Variants in PCDH7 observed in about 807,000 individuals in gnomAD.
PCDH7 encodes the protein protocadherin-7.
A neutral mutation model predicts 58.9 loss-of-function variants in PCDH7; 17 were observed. That is an observed-to-expected ratio of 0.29 (90% CI 0.20 to 0.43). The LOEUF (loss-of-function observed/expected upper bound fraction) is 0.43, where lower values mean the gene tolerates loss of function less well. Ranked by LOEUF, PCDH7 falls within the 20% of genes least tolerant of loss-of-function variation. The pLI, the probability that PCDH7 is intolerant of heterozygous loss-of-function variation, is 1.00. For missense variants in PCDH7, 1,274 were observed against 1,441.0 expected (o/e 0.88, Z 1.88); for synonymous variants, 664 against 616.4 (o/e 1.08, Z -1.14).
chr4:30,800,594 G>A (rs1014711100), intron 1 of PCDH7, among the ~76,000 whole-genome samples: 5 of 152,134 alleles, frequency 3.3e-5, no homozygotes, highest in African/African-American at 1.2e-4. Flanking sequence ...AGATAGACAG[G>A]AAAAGTGAGG....
chr4:31,107,294 T>A (rs1367236006), intron 3 of PCDH7, among the ~76,000 whole-genome samples: 6 of 152,194 alleles, frequency 3.9e-5, no homozygotes, highest in Non-Finnish European at 8.8e-5. Flanking sequence ...TGCATTTCGA[T>A]TCTTTTTTCT....
chr4:30,921,406 A>G (rs1743176677), intron 2 of PCDH7, among the ~76,000 whole-genome samples: 1 of 152,136 alleles, frequency 6.6e-6, no homozygotes, highest in Non-Finnish European at 1.5e-5. Context: ...TATATATGCA[A>G]GTAGAGCATA....
At chr4:30,875,986 G>A (rs1282763418) in intron 1 of PCDH7, among the ~76,000 whole-genome samples, 1 of 152,052 alleles carries the variant, frequency 6.6e-6, no homozygotes, top group Non-Finnish European at 1.5e-5. Context: ...AGTTTCTGAG[G>A]TCATGTTGGT....
At chr4:30,823,412 C>A (rs1218261271) in intron 1 of PCDH7, among the ~76,000 whole-genome samples, 1 of 152,094 alleles carries the variant, frequency 6.6e-6, no homozygotes, top group African/African-American at 2.4e-5. Flanking sequence ...CTTATTAGTA[C>A]GTGCCCTTTA....
At chr4:30,831,862 GTT>G (rs35056533) in intron 1 of PCDH7, among the ~76,000 whole-genome samples, 1 of 151,872 alleles carries the variant, frequency 6.6e-6, no homozygotes, top group Admixed American at 6.6e-5. Context: ...TGCTAGTCAA[GTT>G]TTTTTTCCTA....
exon 1 of PCDH7, chr4:30,724,212 A>ATCTAAAAAG: frequency 6.2e-7 from 1 of 1,613,978 alleles, no homozygotes; most frequent in Non-Finnish European, 8.5e-7. Context: ...AGCATGACAA[A>ATCTAAAAAG]TCTAAAAAGC....
chr4:30,972,537 C>G (rs555999927), intron 3 of PCDH7, among the ~76,000 whole-genome samples: 1 of 152,128 alleles, frequency 6.6e-6, no homozygotes, highest in African/African-American at 2.4e-5. Flanking sequence ...GTACACTAAA[C>G]GGTCTTCCAG....
At chr4:30,850,112 G>C (rs1231546699) in intron 1 of PCDH7, among the ~76,000 whole-genome samples, 1 of 152,076 alleles carries the variant, frequency 6.6e-6, no homozygotes, top group Admixed American at 6.6e-5. Context: ...ACCAGCTACT[G>C]TCTCTTATAT....
chr4:30,834,607 G>A (rs190509123), intron 1 of PCDH7, among the ~76,000 whole-genome samples: 1 of 151,348 alleles, frequency 6.6e-6, no homozygotes, highest in African/African-American at 2.4e-5. Flanking sequence ...ACAGAATTAT[G>A]TTTGATGGTC....
At chr4:30,938,495 C>T (rs1319033181) in intron 2 of PCDH7, among the ~76,000 whole-genome samples, 4 of 151,800 alleles carry the variant, frequency 2.6e-5, no homozygotes, top group African/African-American at 9.7e-5. Flanking sequence ...CACACACACA[C>T]ACACACACAC....
intron 1 of PCDH7, among the ~76,000 whole-genome samples, chr4:30,865,405 AT>A (rs1734753640): frequency 6.6e-6 from 1 of 152,062 alleles, no homozygotes; most frequent in Non-Finnish European, 1.5e-5. Context: ...TGAAGTGGAA[AT>A]CCTGGAAGTA....
At chr4:31,051,160 C>T (rs1756701188) in intron 3 of PCDH7, among the ~76,000 whole-genome samples, 1 of 151,988 alleles carries the variant, frequency 6.6e-6, no homozygotes, top group African/African-American at 2.4e-5. Context: ...TCCTTGAATC[C>T]CCAAGCAAAC....
chr4:31,077,087 A>G (rs1283932006), intron 3 of PCDH7, among the ~76,000 whole-genome samples: 2 of 152,226 alleles, frequency 1.3e-5, no homozygotes, highest in African/African-American at 2.4e-5. Flanking sequence ...GTATATACAT[A>G]CACACATAAA....
intron 1 of PCDH7, among the ~76,000 whole-genome samples, chr4:30,873,412 AT>A (rs1205629311): frequency 2.0e-4 from 30 of 151,752 alleles, no homozygotes; most frequent in African/African-American, 7.2e-4. Flanking sequence ...TTTTATGGAG[AT>A]ATGGCAGAGA....
At chr4:30,895,758 G>A (rs1739322629) in intron 1 of PCDH7, among the ~76,000 whole-genome samples, 1 of 152,154 alleles carries the variant, frequency 6.6e-6, no homozygotes, top group Non-Finnish European at 1.5e-5. Flanking sequence ...CTGTGGCCCA[G>A]TGCTTGTGGC....
intron 3 of PCDH7, among the ~76,000 whole-genome samples, chr4:31,008,550 T>A (rs1041691601): frequency 6.6e-6 from 1 of 152,150 alleles, no homozygotes; most frequent in African/African-American, 2.4e-5. Flanking sequence ...AAATTTTAAA[T>A]GAATATTAGT....
chr4:31,114,655 A>G (rs866775871), intron 3 of PCDH7, among the ~76,000 whole-genome samples: 3 of 151,674 alleles, frequency 2.0e-5, no homozygotes, highest in Middle Eastern at 3.4e-3. Context: ...ACACACACAC[A>G]CACACACACA....
At position 31,053,710 on chromosome 4, in the gene PCDH7, G is replaced by A. The variant is rs73812503; in HGVS notation, c.*8-88763G>A. 2.6e-3 allele frequency among the ~76,000 whole-genome samples: 391 copies of A among 152,096 alleles called. 2 individuals carry two copies. Among genetic ancestry groups the A allele is most frequent in the African/African-American group, 8.9e-3 (369 of 41,506 alleles). On this transcript the variant is annotated intron_variant, in intron 3 of 3. Coordinates refer to the PCDH7 transcript ENST00000509759. ...TGCATGGTACACTCACTCACTGTTCGTCACGTATATTATTGTCCCACATCC... is the reference window on the plus strand; with the variant it reads ...TGCATGGTACACTCACTCACTGTTCATCACGTATATTATTGTCCCACATCC...
intron 1 of PCDH7, among the ~76,000 whole-genome samples, chr4:30,805,182 C>T (rs1313609483): frequency 6.6e-6 from 1 of 152,106 alleles, no homozygotes. Flanking sequence ...TTATAGTGCC[C>T]CCAGGATTTT....
Sources: allele counts gnomAD v4.1 joint callset (sites outside exome capture counted in the v4.1 genomes callset), GRCh38; gene constraint gnomAD v4.1.1; transcripts MANE v1.5; gene names NCBI Gene and HGNC (gene_info 2026-07-23, HGNC 2026-07-21).